Variants in CCDC157 observed in about 807,000 individuals in gnomAD.
CCDC157 encodes coiled-coil domain-containing protein 157.
CCDC157 carries 60 observed loss-of-function variants against 70.9 expected under a neutral mutation model. That is an observed-to-expected ratio of 0.85 (90% CI 0.69 to 1.05). The LOEUF (loss-of-function observed/expected upper bound fraction) is 1.05. CCDC157 is among the 50% of genes least tolerant of loss of function. The pLI is 0.00. For synonymous variants in CCDC157, 373 were observed against 422.4 expected, an observed-to-expected ratio of 0.88 and a Z score of 1.43; for missense variants, 943 against 984.2, an observed-to-expected ratio of 0.96 and a Z score of 0.56.
At chr22:30,375,796 A>G in intron 10 of CCDC157, 133 bp downstream of exon 10, 1 of 752,882 alleles carries the variant, frequency 1.3e-6, no homozygotes. Flanking sequence ...CTTTTGTGAA[A>G]CATTTTTCAC....
rs1425348694 is a variant in CCDC157 at position 30,374,487 on chromosome 22, C to T, written c.1672+396C>T. 10 of 468,162 alleles carry T rather than the reference C, an allele frequency of 2.1e-5. No homozygotes were observed. In the East Asian group the frequency reaches 6.6e-4, roughly 31 times the overall value. The allele number at this position is 468,162 out of a possible 1,614,324, so 29.0% of individuals were successfully genotyped here. On this transcript the variant is annotated intron_variant, in intron 9 of 11. Transcript: ENST00000338306. ...GGGACTAGTCCCAAGGACACAGCCT[C>T]CAGCTGCCCACTGTCCTGGACCCCA...
chr22:30,367,784 C>A (rs756217605), intron 3 of CCDC157, among the ~76,000 whole-genome samples: 2 of 151,922 alleles, frequency 1.3e-5, no homozygotes, highest in Non-Finnish European at 2.9e-5. Context: ...CGTTGGCTCA[C>A]GTCTGTAATC....
intron 5 of CCDC157, 145 bp from the exon 6 acceptor site, chr22:30,371,505 C>T (rs1932939020): frequency 1.5e-6 from 1 of 663,052 alleles, no homozygotes; most frequent in South Asian, 1.8e-5. Flanking sequence ...CCGCTTCCAC[C>T]AGCCTCCCTA....
intron 7 of CCDC157, chr22:30,373,018 G>C (rs562222428): frequency 1.9e-4 from 29 of 154,462 alleles, no homozygotes; most frequent in African/African-American, 6.5e-4. Flanking sequence ...CGCAGCCTCT[G>C]ATGCTTACTC....
At position 30,371,610 on chromosome 22, in the gene CCDC157, C is replaced by T. The variant is rs781434236; in HGVS notation, c.1046-40C>T. On this transcript the variant is annotated intron_variant, in intron 5 of 11. Transcript: ENST00000338306. ...GGGCATGAAGGCCGCCGGCCAGGTC[C>T]ATGGGACCCTCTGAAGGGCCTCTCT... is the stretch of plus-strand genomic sequence containing the variant. 3.9e-6 allele frequency: 6 copies of T among 1,557,480 alleles called. No homozygotes were observed. In the East Asian group the frequency reaches 1.3e-4, roughly 35 times the overall value.
At chr22:30,373,375 C>T in intron 7 of CCDC157, 3 of 565,432 alleles carry the variant, frequency 5.3e-6, no homozygotes, top group Non-Finnish European at 9.4e-6. Context: ...GGTCTTCAAG[C>T]TGGGATCCTG....
At chr22:30,373,401 G>A (rs762015536) in intron 7 of CCDC157, 196 bp from the exon 8 acceptor site, 32 of 604,972 alleles carry the variant, frequency 5.3e-5, no homozygotes, top group East Asian at 2.3e-4. Flanking sequence ...GACCAGGTCC[G>A]GTGTGCATCT....
intron 3 of CCDC157, 101 bp from the exon 4 acceptor site, chr22:30,369,331 G>C: frequency 9.1e-7 from 1 of 1,097,120 alleles, no homozygotes; most frequent in Non-Finnish European, 1.2e-6. Flanking sequence ...CCAAGCTCTT[G>C]ATGCCTGGGC....
rs550650677 is a variant in CCDC157, at chr22:30,357,103, C to T, written c.-195C>T. 13 of 306,910 alleles carry T rather than the reference C, an allele frequency of 4.2e-5. No homozygotes were observed. The East Asian group carries it at 6.7e-4, about 16-fold the overall frequency. 19.0% of individuals were successfully genotyped at this position (306,910 alleles called of 1,614,324 possible). A position where few individuals can be genotyped will look rare whatever the true frequency, so the allele number is the denominator to read the frequency against. ...GGCAGTTCCGGGAGCCGACCAGACACGAAGGCTGAAGCCGCGACGCCGAAG... is the reference window on the plus strand; with the variant it reads ...GGCAGTTCCGGGAGCCGACCAGACATGAAGGCTGAAGCCGCGACGCCGAAG... On this transcript the variant is annotated 5_prime_UTR_variant, in exon 1 of 12. In the 5' UTR this introduces an upstream ATG that the reference lacks. Transcript: ENST00000338306.
intron 9 of CCDC157, chr22:30,374,417 T>A: frequency 1.9e-6 from 1 of 523,478 alleles, no homozygotes; most frequent in South Asian, 1.5e-5. Flanking sequence ...GACTTCTGTG[T>A]GTCCCCCTTC....
Position 30,373,911 on chromosome 22 carries a change from C to T in CCDC157, c.1504-12C>T, listed in dbSNP as rs763618729. The T allele has an allele frequency of 2.9e-5, 47 of 1,602,284 alleles. No homozygotes were observed. The South Asian group carries it at 4.3e-4, about 15-fold the overall frequency. ...CACTCAGGAGCCAGGCCTGAGCCTC[C>T]GTCTGTCCCAGGAGCTGCTGCAGAG... On this transcript the variant is annotated splice_polypyrimidine_tract_variant and intron_variant, in intron 8 of 11. Coordinates refer to ENST00000338306, the MANE Select transcript of CCDC157 (RefSeq NM_001017437.5).
At chr22:30,370,177 C>T (rs1932871787) in intron 4 of CCDC157, 149 bp from the exon 5 acceptor site, 35 of 894,272 alleles carry the variant, frequency 3.9e-5, no homozygotes, top group South Asian at 3.7e-4. Flanking sequence ...AGAAAGTTCT[C>T]TCTTATTCAC....
chr22:30,362,218 C>T (rs560759912), intron 2 of CCDC157, 104 bp downstream of exon 2: 1 of 152,434 alleles, frequency 6.6e-6, no homozygotes, highest in South Asian at 2.1e-4. Flanking sequence ...CCTTAGTCCT[C>T]TCAGCCCAGG....
intron 7 of CCDC157, chr22:30,373,322 G>A: frequency 4.2e-6 from 2 of 474,110 alleles, no homozygotes; most frequent in Non-Finnish European, 7.6e-6. Flanking sequence ...AAGGAAGTGG[G>A]GGTGAGACCC....
In CCDC157 at chr22:30,366,195, C is replaced by A. The variant is rs1318592121; in HGVS notation, c.195C>A (p.Asp65Glu). ...AGCACTATGACCATGTTCCGGGTGA[C>A]CCCGAGTTCACGCAGCTGTCCCATG... Reference protein sequence around the residue: ...LLEHYDHVPGDPEFTQLSHAV... With the variant: ...LLEHYDHVPGEPEFTQLSHAV... The change falls in exon 3 of 12, where the codon GAC (aspartate) becomes GAA (glutamate). Residue 65 changes from aspartate to glutamate, a missense_variant. Transcript: ENST00000338306. 12 of 1,613,772 alleles carry A rather than the reference C, an allele frequency of 7.4e-6. No individual in the cohort carries two copies. The highest frequency in any genetic ancestry group is 1.3e-5 in the African/African-American group (1 of 75,060).
In CCDC157 at chr22:30,366,213, G is replaced by A. The variant is rs777350775; in HGVS notation, c.213G>A (p.Leu71=). Residue 71 remains leucine (L), a synonymous_variant, in exon 3 of 12, where the codon CTG becomes CTA. Coordinates refer to ENST00000338306, the MANE Select transcript of CCDC157 (RefSeq NM_001017437.5). ...CGGGTGACCCCGAGTTCACGCAGCT[G>A]TCCCATGCCGTGCTGCTGGAGCTGG... ...HVPGDPEFTQ[L]SHAVLLELVI... 4 of 1,613,704 alleles carry A rather than the reference G, an allele frequency of 2.5e-6. No individual in the cohort carries two copies. The Admixed American group carries it at 5.0e-5, about 20-fold the overall frequency.
At chr22:30,357,162 C>T (rs1455856683) in intron 1 of CCDC157, 30 bp downstream of exon 1, 8 of 198,116 alleles carry the variant, frequency 4.0e-5, no homozygotes, top group Non-Finnish European at 7.1e-5. Flanking sequence ...CCGCCGGACC[C>T]CCGCCGCACT....
At chr22:30,363,402 A>C (rs1932486704) in intron 2 of CCDC157, among the ~76,000 whole-genome samples, 1 of 152,114 alleles carries the variant, frequency 6.6e-6, no homozygotes, top group Non-Finnish European at 1.5e-5. Flanking sequence ...ATAATAGTTA[A>C]TATTGCTTAA....
At chr22:30,370,192 G>A in intron 4 of CCDC157, 134 bp from the exon 5 acceptor site, 4 of 972,908 alleles carry the variant, frequency 4.1e-6, no homozygotes, top group Non-Finnish European at 6.3e-6. Flanking sequence ...ATTCACGTCG[G>A]TGTCAGAGAA....
Sources: allele counts gnomAD v4.1 joint callset (sites outside exome capture counted in the v4.1 genomes callset), GRCh38; gene constraint gnomAD v4.1.1; transcripts MANE v1.5; gene names NCBI Gene and HGNC (gene_info 2026-07-23, HGNC 2026-07-21).